The following MALT1 variants were observed in gnomAD, a reference collection of about 807,000 sequenced individuals.
MALT1 encodes mucosa-associated lymphoid tissue lymphoma translocation protein 1.
In MALT1, 36 loss-of-function variants were observed where a neutral mutation model predicts 85.5. The observed-to-expected ratio is 0.42, with a 90% CI of 0.32 to 0.56. The LOEUF (loss-of-function observed/expected upper bound fraction) is 0.56, where lower values mean the gene tolerates loss of function less well. Ranked by LOEUF, MALT1 falls within the 20% of genes least tolerant of loss-of-function variation. The pLI is 0.10. For synonymous variants in MALT1, 359 were observed against 361.3 expected (o/e 0.99, Z 0.07); for missense variants, 716 against 981.6 (o/e 0.73, Z 3.62).
intron 3 of MALT1, among the ~76,000 whole-genome samples, chr18:58,698,031 TG>T (rs1166465086): frequency 1.4e-3 from 63 of 45,180 alleles, no homozygotes; most frequent in Non-Finnish European, 2.9e-3. Context: ...GTAGGATTCG[TG>T]GGGTTTTTTG....
intron 3 of MALT1, among the ~76,000 whole-genome samples, chr18:58,698,338 T>G (rs2054624844): frequency 6.6e-6 from 1 of 152,160 alleles, no homozygotes; most frequent in African/African-American, 2.4e-5. Context: ...GTGCTGGGAT[T>G]ACAGGCGTGA....
chr18:58,684,430 A>C (rs971784003), intron 2 of MALT1, among the ~76,000 whole-genome samples: 1 of 144,536 alleles, frequency 6.9e-6, no homozygotes, highest in Non-Finnish European at 1.5e-5. Context: ...GCATAATCTA[A>C]GATTTACTCT....
At chr18:58,739,395 G>A (rs763421461) in intron 13 of MALT1, among the ~76,000 whole-genome samples, 127 of 152,260 alleles carry the variant, frequency 8.3e-4, no homozygotes, top group Non-Finnish European at 6.0e-4. Flanking sequence ...AGAATGTAGC[G>A]TAGGCCTTGT....
intron 2 of MALT1, chr18:58,690,689 C>T: frequency 5.1e-6 from 1 of 195,352 alleles, no homozygotes; most frequent in Admixed American, 5.0e-5. Context: ...CATTCACGAG[C>T]AGCCACCATA....
At chr18:58,689,331 C>T (rs1183735325) in intron 2 of MALT1, among the ~76,000 whole-genome samples, 1 of 151,344 alleles carries the variant, frequency 6.6e-6, no homozygotes, top group East Asian at 1.9e-4. Context: ...AAATTACGTA[C>T]CTTTTTTTCA....
chr18:58,728,535 G>T (rs1247387789), intron 10 of MALT1, among the ~76,000 whole-genome samples: 2 of 152,146 alleles, frequency 1.3e-5, no homozygotes, highest in Non-Finnish European at 2.9e-5. Flanking sequence ...AGCCTGTGAG[G>T]TCGAAGCTGC....
intron 7 of MALT1, among the ~76,000 whole-genome samples, chr18:58,713,477 TCA>T: frequency 6.6e-6 from 1 of 151,988 alleles, no homozygotes; most frequent in Non-Finnish European, 1.5e-5. Context: ...GTCAGTGTCA[TCA>T]CAGACAAGGA....
chr18:58,705,847 G>A (rs560175059), intron 4 of MALT1, among the ~76,000 whole-genome samples: 286 of 152,148 alleles, frequency 1.9e-3, no homozygotes, highest in Non-Finnish European at 2.9e-3. Context: ...CCCAGTAATG[G>A]GATGGCTGGG....
chr18:58,737,659 T>A (rs912695711), intron 13 of MALT1, among the ~76,000 whole-genome samples: 2 of 152,202 alleles, frequency 1.3e-5, no homozygotes, highest in Non-Finnish European at 2.9e-5. Context: ...CTTGGCTTAC[T>A]GCAACGTCCA....
intron 16 of MALT1, 61 bp from the exon 17 acceptor site, chr18:58,747,344 T>G: frequency 9.1e-7 from 1 of 1,095,536 alleles, no homozygotes; most frequent in East Asian, 2.4e-5. Flanking sequence ...TGTGAATATT[T>G]TCAGATTGAT....
intron 2 of MALT1, chr18:58,690,661 G>A (rs1041661023): frequency 1.4e-4 from 24 of 173,306 alleles, no homozygotes; most frequent in Admixed American, 3.0e-4. Context: ...AGCACCCAAA[G>A]TTCTGCTGCT....
In MALT1 at chr18:58,710,946, C is replaced by T; in HGVS notation, c.951C>T (p.Cys317=). The change falls in exon 7 of 17, where the codon TGC becomes TGT. Residue 317 remains cysteine, a synonymous_variant. Coordinates refer to ENST00000649217, the MANE Select transcript of MALT1 (RefSeq NM_006785.4). ...IIGRTDEAVE[C]TEDELNNLGH... ...GAAGAACAGATGAGGCAGTGGAGTG[C>T]ACTGAAGGTAGTGTAAGTCTTTGGT... The T allele has an allele frequency of 1.9e-6, 3 of 1,573,854 alleles. No homozygotes were observed. The highest frequency in any genetic ancestry group is 2.6e-6 in the Non-Finnish European group (3 of 1,164,208).
At chr18:58,740,533 TATA>T (rs1238244915) in intron 13 of MALT1, among the ~76,000 whole-genome samples, 1 of 151,764 alleles carries the variant, frequency 6.6e-6, no homozygotes, top group African/African-American at 2.4e-5. Flanking sequence ...CTTTAAGTTA[TATA>T]ATATTATCTT....
chr18:58,698,193 A>G lies in MALT1; in HGVS notation c.498+1706A>G, dbSNP rs557896040. Among the ~76,000 whole-genome samples, 8 of 151,096 alleles carry G rather than the reference A, an allele frequency of 5.3e-5. No individual in the cohort carries two copies. The East Asian group carries it at 1.6e-3, about 30-fold the overall frequency. On this transcript the variant is annotated intron_variant, in intron 3 of 16. Coordinates refer to ENST00000649217, the MANE Select transcript of MALT1 (RefSeq NM_006785.4). ...ACGATTACCCTGCCTCAGCCTTCTG[A>G]GTAGCTGGGATTACAGGCGCGCATC...
At chr18:58,719,544 G>A (rs1158599934) in intron 9 of MALT1, among the ~76,000 whole-genome samples, 1 of 152,170 alleles carries the variant, frequency 6.6e-6, no homozygotes, top group Non-Finnish European at 1.5e-5. Context: ...GCTTTTAAGG[G>A]CTTAGACCCT....
intron 4 of MALT1, among the ~76,000 whole-genome samples, chr18:58,703,050 G>T (rs145811312): frequency 2.0e-5 from 3 of 152,224 alleles, no homozygotes; most frequent in Admixed American, 6.5e-5. Context: ...CTCAAATGAC[G>T]TTAAGGTTGT....
chr18:58,727,031 A>G (rs2055065037), intron 10 of MALT1, among the ~76,000 whole-genome samples: 1 of 152,210 alleles, frequency 6.6e-6, no homozygotes, highest in Admixed American at 6.5e-5. Flanking sequence ...AAATGGATAG[A>G]ACTAAATTAA....
chr18:58,699,843 G>A (rs2054645777), intron 3 of MALT1, among the ~76,000 whole-genome samples: 1 of 152,222 alleles, frequency 6.6e-6, no homozygotes, highest in African/African-American at 2.4e-5. Flanking sequence ...GGTGGGGACT[G>A]TGGATGGCCA....
chr18:58,688,104 G>T lies in MALT1; in HGVS notation c.376+6768G>T, dbSNP rs1404078305. On this transcript the variant is annotated intron_variant, in intron 2 of 16. Transcript: ENST00000649217. ...TTGTTCAGCACCTTCTCACTAGTGGGTGCTGCATTGGGGTGGCTAAGGGTT... is the reference window on the plus strand; with the variant it reads ...TTGTTCAGCACCTTCTCACTAGTGGTTGCTGCATTGGGGTGGCTAAGGGTT... Among the ~76,000 whole-genome samples the T allele has an allele frequency of 2.0e-5, 3 of 152,212 alleles. No homozygotes were observed. The East Asian group carries it at 5.8e-4, about 29-fold the overall frequency.
Sources: gnomAD v4.1 joint callset for allele counts (sites outside exome capture counted in the v4.1 genomes callset) on GRCh38, gnomAD v4.1.1 for gene constraint, MANE v1.5 for transcripts, NCBI Gene and HGNC (gene_info 2026-07-23, HGNC 2026-07-21) for gene names.